Variants in EFCC1 observed in about 807,000 individuals in gnomAD.
EFCC1 encodes the protein EF-hand and coiled-coil domain containing 1.
A neutral mutation model predicts 52.1 loss-of-function variants in EFCC1; 50 were observed. The ratio of observed to expected loss-of-function variants is 0.96; its 90% CI spans 0.76 to 1.21. The LOEUF (loss-of-function observed/expected upper bound fraction) is 1.21. Among genes scored for constraint, EFCC1 ranks in the 50% most tolerant of loss-of-function variants. EFCC1 has a pLI of 0.00. For missense variants in EFCC1, 837 were observed against 867.3 expected, an observed-to-expected ratio of 0.97 and a Z score of 0.44; for synonymous variants, 399 against 396.5, an observed-to-expected ratio of 1.01 and a Z score of -0.08.
intron 2 of EFCC1, among the ~76,000 whole-genome samples, chr3:129,026,631 G>C (rs752337720): frequency 5.3e-5 from 8 of 152,106 alleles, no homozygotes; most frequent in Admixed American, 1.3e-4. Context: ...CTCCCTATGG[G>C]GCCATATAAC....
At chr3:129,021,884 A>AT (rs1246949072) in intron 2 of EFCC1, among the ~76,000 whole-genome samples, 15 of 151,614 alleles carry the variant, frequency 9.9e-5, no homozygotes, top group African/African-American at 1.5e-4. Flanking sequence ...CATCACATTA[A>AT]TTTTTTTTTG....
At chr3:129,003,536 A>T (rs942629332) in intron 1 of EFCC1, among the ~76,000 whole-genome samples, 1 of 150,640 alleles carries the variant, frequency 6.6e-6, no homozygotes, top group African/African-American at 2.4e-5. Flanking sequence ...GTCGTGTCTC[A>T]GTTTCCTTCA....
rs1305993901 is a variant in EFCC1, at chr3:129,001,750, A to G, written c.122A>G (p.Asp41Gly). 2 of 1,541,138 alleles carry G rather than the reference A, an allele frequency of 1.3e-6. No individual in the cohort carries two copies. The highest frequency in any genetic ancestry group is 1.2e-5 in the South Asian group (1 of 83,312). ...LSALAHHYGL[D>G]RGVENEIVVL... ...GCCCTGGCGCACCACTACGGGCTGG[A>G]CCGCGGCGTGGAGAACGAGATCGTG... The change falls in exon 1 of 8, where the codon GAC (aspartate) becomes GGC (glycine). Residue 41 changes from aspartate to glycine, a missense_variant. Physicochemically the swap from Asp to Gly is moderately conservative, Grantham distance 94. Transcript: ENST00000683648.
At position 129,003,800 on chromosome 3, in the gene EFCC1, C is replaced by A; in HGVS notation, c.703C>A (p.Leu235Ile). Reference protein sequence around the residue: ...DARCLALQVGLWKSQASTHEM... With the variant: ...DARCLALQVGIWKSQASTHEM... ...TGCTGCCCTGTCCCCGCAGGTCGGA[C>A]TCTGGAAGAGCCAGGCGAGCACCCA... Residue 235 changes from leucine (L) to isoleucine (I), a missense_variant, in exon 2 of 8, where the codon CTC becomes ATC. Coordinates refer to ENST00000683648, the MANE Select transcript of EFCC1 (RefSeq NM_001377500.1). 6.9e-7 allele frequency: 1 copy of A among 1,457,474 alleles called. No homozygotes were observed. Among genetic ancestry groups the A allele is most frequent in the Non-Finnish European group, 9.0e-7 (1 of 1,110,064 alleles). The allele number at this position is 1,457,474 out of a possible 1,614,324, so 90.3% of individuals were successfully genotyped here.
intron 3 of EFCC1, among the ~76,000 whole-genome samples, chr3:129,031,712 G>C (rs950794224): frequency 6.6e-6 from 1 of 152,222 alleles, no homozygotes; most frequent in African/African-American, 2.4e-5. Flanking sequence ...CCCTGGCCCT[G>C]CGTTGCTCTA....
intron 2 of EFCC1, among the ~76,000 whole-genome samples, chr3:129,022,619 C>A (rs985392907): frequency 2.6e-5 from 4 of 152,200 alleles, no homozygotes; most frequent in Non-Finnish European, 5.9e-5. Flanking sequence ...AGGGAACACC[C>A]AACCGCACAC....
intron 2 of EFCC1, among the ~76,000 whole-genome samples, chr3:129,025,101 T>C (rs1356399665): frequency 6.6e-6 from 1 of 151,968 alleles, no homozygotes; most frequent in Non-Finnish European, 1.5e-5. Context: ...GTGCCACAGT[T>C]AAGTTCGGGC....
intron 5 of EFCC1, among the ~76,000 whole-genome samples, chr3:129,034,814 T>C (rs961690406): frequency 3.9e-5 from 6 of 152,126 alleles, no homozygotes; most frequent in Admixed American, 3.3e-4. Flanking sequence ...GGAACTCCGA[T>C]TGGCCACCTC....
At chr3:129,034,083 C>G in intron 4 of EFCC1, 81 bp from the exon 5 acceptor site, 1 of 1,559,000 alleles carries the variant, frequency 6.4e-7, no homozygotes, top group Admixed American at 1.7e-5. Flanking sequence ...CAACTCCACA[C>G]CACCACCACC....
Position 129,002,044 on chromosome 3 carries a change from A to G in EFCC1, c.416A>G (p.Glu139Gly), listed in dbSNP as rs886067135. The change falls in exon 1 of 8, where the codon GAG becomes GGG. Residue 139 changes from glutamate (E) to glycine (G), a missense_variant. Glu to Gly is a moderately conservative substitution (Grantham distance 98). Coordinates refer to ENST00000683648, the MANE Select transcript of EFCC1 (RefSeq NM_001377500.1). ...ARLALRAEPP[E>G]LTFRQFHARL... ...CTGGCGCTGCGCGCCGAGCCGCCGG[A>G]GCTCACCTTCCGCCAGTTCCACGCG... 6.5e-6 allele frequency: 10 copies of G among 1,543,012 alleles called. No homozygotes were observed. The highest frequency in any genetic ancestry group is 2.0e-5 in the Admixed American group (1 of 50,560).
At chr3:129,020,101 G>T (rs985674710) in intron 2 of EFCC1, among the ~76,000 whole-genome samples, 9 of 152,082 alleles carry the variant, frequency 5.9e-5, no homozygotes, top group African/African-American at 1.9e-4. Context: ...TGTGACTGTG[G>T]TTACCATATT....
Position 129,039,866 on chromosome 3 carries a change from G to A in EFCC1, c.*18G>A, listed in dbSNP as rs1471256846. On this transcript the variant is annotated 3_prime_UTR_variant, in exon 8 of 8. Transcript: ENST00000683648. ...CCTGCTGAGGTTACTGGCCCACCCT[G>A]TGGGCACCCTGCTCAGCCTGACTGC... 2 of 1,587,032 alleles carry A rather than the reference G, an allele frequency of 1.3e-6. No individual in the cohort carries two copies. The highest frequency in any genetic ancestry group is 1.7e-6 in the Non-Finnish European group (2 of 1,162,278).
chr3:129,013,264 A>T (rs573646879), intron 2 of EFCC1, among the ~76,000 whole-genome samples: 1 of 152,326 alleles, frequency 6.6e-6, no homozygotes, highest in East Asian at 1.9e-4. Context: ...ATGACAAAAA[A>T]TAAAAGTATG....
Position 129,034,256 on chromosome 3 carries a change from G to A in EFCC1, c.1379G>A (p.Cys460Tyr), listed in dbSNP as rs368491173. The stretch of plus-strand genomic sequence containing the variant: ...CATACCCTGGGGGAGCTGGAGGCCT[G>A]CATTGCCATGCTGGTGGAGCAGCTG... ...HAHTLGELEACIAMLVEQLRT... is the reference protein window; with the variant it reads ...HAHTLGELEAYIAMLVEQLRT... Residue 460 changes from cysteine to tyrosine, a missense_variant, in exon 5 of 8, where the codon TGC becomes TAC. Cys to Tyr is a radical substitution (Grantham distance 194, BLOSUM62 -2). Transcript: ENST00000683648. 1.2e-6 allele frequency: 2 copies of A among 1,614,054 alleles called. No homozygotes were observed. Among genetic ancestry groups the A allele is most frequent in the African/African-American group, 2.7e-5 (2 of 74,900 alleles).
At chr3:129,032,526 A>G (rs1468296011) in intron 3 of EFCC1, among the ~76,000 whole-genome samples, 1 of 151,958 alleles carries the variant, frequency 6.6e-6, no homozygotes, top group African/African-American at 2.4e-5. Context: ...AAAAAAAAAG[A>G]AAAAGAAAAG....
rs78595562 is a variant in EFCC1 at position 129,005,201 on chromosome 3, C to A, written c.980+1124C>A. 0.035 allele frequency among the ~76,000 whole-genome samples: 5,276 copies of A among 152,298 alleles called. 568 individuals carry two copies. The East Asian group carries it at 0.42, about 12-fold the overall frequency. ...AGCAGCCACCTGTGAGCAGGTGAGA[C>A]CTTCACAGGAACAGATGCGTGGCAG... On this transcript the variant is annotated intron_variant, in intron 2 of 7. Transcript: ENST00000683648.
intron 2 of EFCC1, among the ~76,000 whole-genome samples, chr3:129,023,421 T>A (rs559362727): frequency 6.6e-6 from 1 of 151,876 alleles, no homozygotes; most frequent in South Asian, 2.1e-4. Flanking sequence ...CTCTGCCTCC[T>A]GGGTTCACGG....
intron 7 of EFCC1, among the ~76,000 whole-genome samples, chr3:129,039,156 G>A (rs929443509): frequency 1.2e-4 from 19 of 152,210 alleles, no homozygotes; most frequent in Admixed American, 6.5e-4. Context: ...TGCGGGGGAG[G>A]TGCCCCAAGG....
chr3:129,001,502 C>G lies in EFCC1; in HGVS notation c.-127C>G. On this transcript the variant is annotated 5_prime_UTR_variant, in exon 1 of 8. Transcript: ENST00000683648. ...CAGCGCAGCTGCTGGACACGGTCCC[C>G]GGCGCCGCTCCAACCAGACCGCGAC... 1 of 1,299,458 alleles carries G rather than the reference C, an allele frequency of 7.7e-7. No individual in the cohort carries two copies. Among genetic ancestry groups the G allele is most frequent in the Non-Finnish European group, 9.8e-7 (1 of 1,021,270 alleles). 80.5% of individuals were successfully genotyped at this position (1,299,458 alleles called of 1,614,324 possible).
Sources: allele counts gnomAD v4.1 joint callset (sites outside exome capture counted in the v4.1 genomes callset), GRCh38; gene constraint gnomAD v4.1.1; transcripts MANE v1.5; gene names NCBI Gene and HGNC (gene_info 2026-07-23, HGNC 2026-07-21).